Variants in CUX2 observed in about 807,000 individuals in gnomAD.
CUX2 encodes the protein cut like homeobox 2.
CUX2 carries 40 observed loss-of-function variants against 144.8 expected under a neutral mutation model. The observed-to-expected ratio is 0.28, with a 90% CI of 0.21 to 0.36. The LOEUF (loss-of-function observed/expected upper bound fraction) is 0.36. Ranked by LOEUF, CUX2 falls within the 10% of genes least tolerant of loss-of-function variation. The pLI, the probability that CUX2 is intolerant of heterozygous loss-of-function variation, is 1.00. For synonymous variants in CUX2, 827 were observed against 875.6 expected (o/e 0.94, Z 0.98); for missense variants, 1,615 against 1,994.0 (o/e 0.81, Z 3.62).
chr12:111,087,066 G>T (rs1322545447), intron 1 of CUX2, among the ~76,000 whole-genome samples: 1 of 152,078 alleles, frequency 6.6e-6, no homozygotes, highest in African/African-American at 2.4e-5. Context: ...ACTTACTAAA[G>T]AAAATGCTGT....
intron 19 of CUX2, among the ~76,000 whole-genome samples, chr12:111,336,757 G>A (rs891181717): frequency 4.6e-5 from 7 of 151,862 alleles, no homozygotes; most frequent in Non-Finnish European, 8.8e-5. Flanking sequence ...CCACACTTCA[G>A]TTTTTTAATG....
chr12:111,192,304 AT>A (rs998023126), intron 1 of CUX2, among the ~76,000 whole-genome samples: 6 of 151,548 alleles, frequency 4.0e-5, no homozygotes, highest in Non-Finnish European at 8.8e-5. Flanking sequence ...ATTTTTTTGT[AT>A]TTTTAGTAGA....
intron 1 of CUX2, among the ~76,000 whole-genome samples, chr12:111,078,977 C>T (rs1871702615): frequency 2.0e-5 from 3 of 152,242 alleles, no homozygotes; most frequent in Admixed American, 2.0e-4. Context: ...AGCCCCAAGC[C>T]TATCCTGGCC....
intron 4 of CUX2, 106 bp from the exon 5 acceptor site, chr12:111,291,312 G>C (rs1382339371): frequency 4.4e-6 from 6 of 1,367,120 alleles, no homozygotes; most frequent in Non-Finnish European, 5.9e-6. Flanking sequence ...TAAGCCAGCG[G>C]GGTGACTCCG....
intron 1 of CUX2, among the ~76,000 whole-genome samples, chr12:111,051,118 T>G (rs781127873): frequency 3.3e-5 from 5 of 152,196 alleles, no homozygotes; most frequent in Admixed American, 1.3e-4. Context: ...ATACAAATAT[T>G]ATGTATCAAT....
At chr12:111,099,407 C>G (rs181379460) in intron 1 of CUX2, 1 of 376,132 alleles carries the variant, frequency 2.7e-6, no homozygotes, top group African/African-American at 2.1e-5. Context: ...TTTCTTAAAC[C>G]GTTATGTGGT....
chr12:111,115,202 A>G (rs1874212575), intron 1 of CUX2, among the ~76,000 whole-genome samples: 1 of 152,110 alleles, frequency 6.6e-6, no homozygotes, highest in Non-Finnish European at 1.5e-5. Flanking sequence ...TTCTACAAGA[A>G]ACAAACAAGC....
chr12:111,281,684 A>G (rs1885121280), intron 4 of CUX2, among the ~76,000 whole-genome samples: 1 of 152,214 alleles, frequency 6.6e-6, no homozygotes, highest in Admixed American at 6.5e-5. Flanking sequence ...CACCAGTCAC[A>G]GATTTCATAT....
intron 1 of CUX2, among the ~76,000 whole-genome samples, chr12:111,175,156 A>G (rs1042742887): frequency 6.6e-6 from 1 of 152,188 alleles, no homozygotes; most frequent in Non-Finnish European, 1.5e-5. Context: ...GCTGAGTTTT[A>G]TCACAAATCA....
intron 18 of CUX2, among the ~76,000 whole-genome samples, chr12:111,323,684 G>A (rs1270743065): frequency 6.6e-6 from 1 of 152,122 alleles, no homozygotes; most frequent in African/African-American, 2.4e-5. Flanking sequence ...AGCTACTCGG[G>A]AGGCTGAGGC....
intron 16 of CUX2, among the ~76,000 whole-genome samples, chr12:111,316,590 C>T (rs1887207645): frequency 6.6e-6 from 1 of 151,168 alleles, no homozygotes; most frequent in African/African-American, 2.4e-5. Flanking sequence ...GCTGGGATTA[C>T]AGGTGCGTGC....
chr12:111,223,157 G>C (rs992691225), intron 3 of CUX2, among the ~76,000 whole-genome samples: 1 of 152,088 alleles, frequency 6.6e-6, no homozygotes, highest in Non-Finnish European at 1.5e-5. Context: ...CTCTGTGTGA[G>C]GACTGTTGCA....
rs61684705 is a variant in CUX2, at chr12:111,335,713, A to C, written c.3196+1003A>C. ...CACAGTGAGACTCCATCTCCAAAAA[A>C]ATAAAAAATAAAAAAGCTTCCTAAA... On this transcript the variant is annotated intron_variant, in intron 19 of 21. Transcript: ENST00000261726. Among the ~76,000 whole-genome samples, 3,024 of 152,222 alleles carry C rather than the reference A, an allele frequency of 0.02. 132 individuals are homozygous for C. The East Asian group carries it at 0.21, about 10-fold the overall frequency.
chr12:111,140,492 T>C (rs933780616), intron 1 of CUX2, among the ~76,000 whole-genome samples: 8 of 152,362 alleles, frequency 5.3e-5, no homozygotes, highest in African/African-American at 1.9e-4. Flanking sequence ...TTCCCGGCCA[T>C]GGTGAAGGCA....
chr12:111,044,301 C>G (rs1348555389), intron 1 of CUX2, among the ~76,000 whole-genome samples: 3 of 152,024 alleles, frequency 2.0e-5, no homozygotes, highest in Non-Finnish European at 4.4e-5. Context: ...GCTGTCACTC[C>G]CAGCACTGTC....
At chr12:111,218,482 C>T (rs1318593473) in intron 3 of CUX2, among the ~76,000 whole-genome samples, 1 of 152,182 alleles carries the variant, frequency 6.6e-6, no homozygotes, top group African/African-American at 2.4e-5. Flanking sequence ...CACCACTGCA[C>T]ACCAACCTGG....
At chr12:111,080,880 T>G (rs187491230) in intron 1 of CUX2, among the ~76,000 whole-genome samples, 12 of 152,358 alleles carry the variant, frequency 7.9e-5, no homozygotes, top group Admixed American at 4.6e-4. Flanking sequence ...TTATTATTAC[T>G]GATATTACTG....
chr12:111,278,503 G>A (rs1202660692), intron 4 of CUX2, among the ~76,000 whole-genome samples: 1 of 152,164 alleles, frequency 6.6e-6, no homozygotes, highest in Non-Finnish European at 1.5e-5. Flanking sequence ...CCACAGAGAT[G>A]CCCCCATGGA....
chr12:111,304,753 T>G lies in CUX2; in HGVS notation c.858+439T>G, dbSNP rs762233519. ...GGTGGCTGCCACCAGGTGTCGCTGT[T>G]GAACACCGGTCATAGCAGCTTTGTG... On this transcript the variant is annotated intron_variant, in intron 10 of 21. Transcript: ENST00000261726. The surrounding 1 kb of genome is among the most constrained non-coding windows in gnomAD (Gnocchi z 4.7). 5.3e-5 allele frequency among the ~76,000 whole-genome samples: 8 copies of G among 152,190 alleles called. No homozygotes were observed. The highest frequency in any genetic ancestry group is 7.3e-5 in the Non-Finnish European group (5 of 68,036).
Sources: gnomAD v4.1 joint callset for allele counts (sites outside exome capture counted in the v4.1 genomes callset) on GRCh38, gnomAD v4.1.1 for gene constraint, Gnocchi (gnomAD v3.1) non-coding constraint, MANE v1.5 for transcripts, NCBI Gene and HGNC (gene_info 2026-07-23, HGNC 2026-07-21) for gene names.